The following DPYSL3 variants were observed in gnomAD, a reference collection of about 807,000 sequenced individuals.
The protein encoded by DPYSL3 is dihydropyrimidinase like 3.
DPYSL3 carries 16 observed loss-of-function variants against 66.1 expected under a neutral mutation model. That is an observed-to-expected ratio of 0.24 (90% CI 0.16 to 0.37). The LOEUF (loss-of-function observed/expected upper bound fraction) is 0.37. DPYSL3 is among the 10% of genes least tolerant of loss of function. The probability of loss-of-function intolerance (pLI) is 1.00; values close to 1 mark genes in which losing one functional copy is unlikely to be tolerated. For synonymous variants in DPYSL3, 338 were observed against 345.1 expected (o/e 0.98, Z 0.23); for missense variants, 738 against 916.2 (o/e 0.81, Z 2.51).
At chr5:147,430,475 ACTCCGG>A (rs762895421) in intron 1 of DPYSL3, among the ~76,000 whole-genome samples, 2 of 150,112 alleles carry the variant, frequency 1.3e-5, no homozygotes, top group African/African-American at 2.5e-5. Flanking sequence ...GCACCATTGC[ACTCCGG>A]CCTAGGCAAC....
At chr5:147,506,704 T>C (rs188958485) in intron 1 of DPYSL3, among the ~76,000 whole-genome samples, 1 of 152,144 alleles carries the variant, frequency 6.6e-6, no homozygotes. Context: ...ATAACTAATA[T>C]GTACTGAATA....
intron 4 of DPYSL3, 99 bp downstream of exon 4, chr5:147,415,610 G>A: frequency 2.1e-6 from 3 of 1,449,454 alleles, no homozygotes; most frequent in African/African-American, 1.4e-5. Flanking sequence ...AAGGTTCCAG[G>A]CTCCAAGTAA....
intron 1 of DPYSL3, among the ~76,000 whole-genome samples, chr5:147,494,406 CG>C (rs1397853414): frequency 4.0e-5 from 6 of 151,416 alleles, no homozygotes; most frequent in Non-Finnish European, 8.8e-5. Context: ...ATTAGAGTAT[CG>C]ATCAGTACAG....
At chr5:147,430,992 C>T (rs889223135) in intron 1 of DPYSL3, among the ~76,000 whole-genome samples, 2 of 152,176 alleles carry the variant, frequency 1.3e-5, no homozygotes, top group Non-Finnish European at 2.9e-5. Flanking sequence ...CCTGCATTAA[C>T]AAAGCACAGA....
rs962598779 is a variant in DPYSL3 at position 147,395,716 on chromosome 5, T to G, written c.1809A>C (p.Ala603=). 1.1e-5 allele frequency: 18 copies of G among 1,613,730 alleles called. No homozygotes were observed. In the African/African-American group the frequency reaches 2.3e-4, roughly 20 times the overall value. The change falls in exon 13 of 14, where the codon GCA becomes GCC. Residue 603 remains alanine, a synonymous_variant. Transcript: ENST00000343218. ...TGCCCCTTGGGACGGCATGCAGGTC[T>G]GCCATCTGCAGCCAGAGAAGAGCAT... ...YKRIKARRKM[A]DLHAVPRGMY... is the part of the protein sequence containing the mutation.
At chr5:147,445,513 C>T (rs940417494) in intron 1 of DPYSL3, among the ~76,000 whole-genome samples, 3 of 152,186 alleles carry the variant, frequency 2.0e-5, no homozygotes, top group African/African-American at 7.2e-5. Context: ...TCAGCAAATA[C>T]AGAGGGCCTA....
chr5:147,449,175 G>C (rs1429442063), intron 1 of DPYSL3, among the ~76,000 whole-genome samples: 2 of 152,110 alleles, frequency 1.3e-5, no homozygotes, highest in Admixed American at 6.5e-5. Context: ...CTCTAGTCTA[G>C]TTCTAGGCCC....
At chr5:147,438,534 A>T (rs192913550) in intron 1 of DPYSL3, among the ~76,000 whole-genome samples, 44 of 152,358 alleles carry the variant, frequency 2.9e-4, no homozygotes, top group Admixed American at 2.5e-3. Flanking sequence ...GGCAAAGACC[A>T]TGTTAACATT....
At chr5:147,507,472 A>G (rs924759175) in intron 1 of DPYSL3, among the ~76,000 whole-genome samples, 2 of 152,164 alleles carry the variant, frequency 1.3e-5, no homozygotes. Flanking sequence ...CAGATGGTTT[A>G]ATTAAGGAGG....
At chr5:147,508,178 C>T (rs1175321860) in intron 1 of DPYSL3, among the ~76,000 whole-genome samples, 3 of 152,132 alleles carry the variant, frequency 2.0e-5, no homozygotes, top group African/African-American at 7.2e-5. Context: ...TCAGAGGAAG[C>T]CGACATTGTT....
chr5:147,396,399 G>A (rs1029437947), intron 12 of DPYSL3, among the ~76,000 whole-genome samples: 6 of 152,152 alleles, frequency 3.9e-5, no homozygotes, highest in Admixed American at 1.3e-4. Flanking sequence ...CCTGCAAAGG[G>A]GCTTACAGTC....
chr5:147,497,412 T>TA (rs898672491), intron 1 of DPYSL3, among the ~76,000 whole-genome samples: 3 of 151,584 alleles, frequency 2.0e-5, no homozygotes, highest in African/African-American at 7.3e-5. Flanking sequence ...ATAATAAAAT[T>TA]AAAAAAAGAA....
chr5:147,456,446 A>G (rs1431315330), intron 1 of DPYSL3, among the ~76,000 whole-genome samples: 2 of 152,166 alleles, frequency 1.3e-5, no homozygotes. Context: ...GCCACACCAC[A>G]GATTTCCACA....
chr5:147,401,779 C>T, intron 8 of DPYSL3, 83 bp from the exon 9 acceptor site: 1 of 1,541,242 alleles, frequency 6.5e-7, no homozygotes, highest in Non-Finnish European at 8.8e-7. Context: ...AGCTCCTAAG[C>T]CTACCCAGGA....
intron 10 of DPYSL3, 111 bp from the exon 11 acceptor site, chr5:147,399,363 G>T: frequency 1.6e-6 from 2 of 1,286,426 alleles, no homozygotes; most frequent in Non-Finnish European, 2.1e-6. Flanking sequence ...ACAAAAAGGA[G>T]CCACCTGAAA....
At chr5:147,489,083 T>C (rs140933384) in intron 1 of DPYSL3, among the ~76,000 whole-genome samples, 20 of 152,202 alleles carry the variant, frequency 1.3e-4, no homozygotes, top group African/African-American at 2.2e-4. Context: ...ATGGTAACTG[T>C]TGGAGTCCCT....
intron 2 of DPYSL3, among the ~76,000 whole-genome samples, chr5:147,422,382 A>G (rs1752098857): frequency 1.3e-5 from 2 of 152,216 alleles, no homozygotes; most frequent in East Asian, 1.9e-4. Flanking sequence ...GAGAAATAGG[A>G]ATGCTTTTAC....
At chr5:147,477,737 C>T (rs1338964673) in intron 1 of DPYSL3, among the ~76,000 whole-genome samples, 2 of 150,582 alleles carry the variant, frequency 1.3e-5, no homozygotes, top group African/African-American at 4.9e-5. Context: ...CGCCCGCCAC[C>T]GCGCCCGGCT....
At chr5:147,459,265 A>T (rs1264019953) in intron 1 of DPYSL3, among the ~76,000 whole-genome samples, 2 of 152,148 alleles carry the variant, frequency 1.3e-5, no homozygotes, top group African/African-American at 2.4e-5. Context: ...ATGAGAAAAC[A>T]TTTGCCCCTT....
Sources: gnomAD v4.1 joint callset for allele counts (sites outside exome capture counted in the v4.1 genomes callset) on GRCh38, gnomAD v4.1.1 for gene constraint, MANE v1.5 for transcripts, NCBI Gene and HGNC (gene_info 2026-07-23, HGNC 2026-07-21) for gene names.